Variants in MACROD2 observed in about 807,000 individuals in gnomAD.
The protein encoded by MACROD2 is mono-ADP ribosylhydrolase 2.
Under a neutral mutation model 70.4 loss-of-function variants are expected in MACROD2, and 36 were observed. The observed-to-expected ratio is 0.51, with a 90% CI of 0.39 to 0.68. The LOEUF is 0.68. Among genes scored for constraint, MACROD2 ranks in the 30% least tolerant of loss-of-function variants. MACROD2 has a pLI of 0.00. For missense variants in MACROD2, 496 were observed against 538.4 expected (o/e 0.92, Z 0.78); for synonymous variants, 172 against 178.8 (o/e 0.96, Z 0.30).
intron 5 of MACROD2, among the ~76,000 whole-genome samples, chr20:14,821,598 T>G (rs892878694): frequency 2.6e-5 from 4 of 152,096 alleles, no homozygotes; most frequent in African/African-American, 9.7e-5. Context: ...GCAAACAGCC[T>G]CACCTAATTG....
intron 8 of MACROD2, among the ~76,000 whole-genome samples, chr20:15,625,801 C>T (rs930969370): frequency 1.2e-4 from 17 of 147,018 alleles, no homozygotes; most frequent in Non-Finnish European, 2.4e-4. Flanking sequence ...TCCAGCAATA[C>T]ATGCAAACTT....
At chr20:14,392,871 G>T (rs1380938726) in intron 3 of MACROD2, among the ~76,000 whole-genome samples, 1 of 152,008 alleles carries the variant, frequency 6.6e-6, no homozygotes. Context: ...ATTTGTGTCT[G>T]CTTGTAGATC....
chr20:15,204,872 G>A (rs1334376303), intron 5 of MACROD2, among the ~76,000 whole-genome samples: 2 of 152,008 alleles, frequency 1.3e-5, no homozygotes, highest in Non-Finnish European at 2.9e-5. Flanking sequence ...AATCTTCCAC[G>A]CACCCCAATA....
intron 10 of MACROD2, among the ~76,000 whole-genome samples, chr20:15,901,738 C>G (rs909716906): frequency 6.6e-6 from 1 of 152,218 alleles, no homozygotes; most frequent in African/African-American, 2.4e-5. Context: ...TCAATCTCTA[C>G]TTAACTGTCT....
intron 8 of MACROD2, among the ~76,000 whole-genome samples, chr20:15,678,141 G>C (rs770429936): frequency 6.6e-6 from 1 of 152,122 alleles, no homozygotes; most frequent in Non-Finnish European, 1.5e-5. Flanking sequence ...TAAATAACTT[G>C]CCTGAGAACA....
chr20:15,732,989 A>G lies in MACROD2; in HGVS notation c.646-129756A>G, dbSNP rs1006963197. Among the ~76,000 whole-genome samples the G allele has an allele frequency of 2.6e-5, 4 of 152,094 alleles. No individual in the cohort carries two copies. In the East Asian group the frequency reaches 5.8e-4, roughly 22 times the overall value. ...ACCTTTCTTAATAGATAAATTAACA[A>G]TTTCTTAATAGATACAGGCCTATTC... On this transcript the variant is annotated intron_variant, in intron 8 of 17. Transcript: ENST00000684519.
chr20:14,209,171 C>T (rs932205432), intron 3 of MACROD2, among the ~76,000 whole-genome samples: 1 of 152,190 alleles, frequency 6.6e-6, no homozygotes, highest in Middle Eastern at 3.2e-3. Context: ...CACAATTGGC[C>T]TGGGCTTCCC....
intron 8 of MACROD2, among the ~76,000 whole-genome samples, chr20:15,824,259 G>C (rs997824087): frequency 6.6e-5 from 10 of 151,828 alleles, no homozygotes; most frequent in African/African-American, 2.2e-4. Flanking sequence ...CTCTCTCTCT[G>C]TGTGCGTGTG....
chr20:15,658,225 C>CTT (rs11296773), intron 8 of MACROD2, among the ~76,000 whole-genome samples: 2 of 140,992 alleles, frequency 1.4e-5, no homozygotes, highest in Non-Finnish European at 3.1e-5. Flanking sequence ...CTCTCTCTCT[C>CTT]TTTTTTTTTT....
chr20:14,470,195 G>A (rs756522670), intron 3 of MACROD2, among the ~76,000 whole-genome samples: 2 of 151,934 alleles, frequency 1.3e-5, no homozygotes, highest in Admixed American at 6.6e-5. Flanking sequence ...TCTGCTGCAC[G>A]TCTGCTGGGG....
intron 17 of MACROD2, among the ~76,000 whole-genome samples, chr20:16,047,556 C>A (rs963468743): frequency 6.6e-6 from 1 of 152,142 alleles, no homozygotes; most frequent in African/African-American, 2.4e-5. Context: ...TCTCGTAATG[C>A]TCGTTGCCTG....
At chr20:14,573,032 A>G in intron 4 of MACROD2, among the ~76,000 whole-genome samples, 1 of 148,148 alleles carries the variant, frequency 6.8e-6, no homozygotes, top group Non-Finnish European at 1.5e-5. Context: ...TATAAACAAT[A>G]TCATTTAGAT....
chr20:14,106,091 G>A (rs2054364354), intron 3 of MACROD2, among the ~76,000 whole-genome samples: 2 of 152,168 alleles, frequency 1.3e-5, no homozygotes, highest in Admixed American at 1.3e-4. Flanking sequence ...AAAACAGAGG[G>A]GCCACAGTGG....
At chr20:15,314,986 A>G (rs1364537879) in intron 6 of MACROD2, among the ~76,000 whole-genome samples, 2 of 152,336 alleles carry the variant, frequency 1.3e-5, no homozygotes, top group Middle Eastern at 3.4e-3. Context: ...TTTAAATAGC[A>G]TGGCTAAGCA....
chr20:15,000,596 G>C (rs2074986589), intron 5 of MACROD2, among the ~76,000 whole-genome samples: 1 of 107,712 alleles, frequency 9.3e-6, no homozygotes, highest in African/African-American at 4.5e-5. Flanking sequence ...GCAGTCCGCA[G>C]TCCGGCCTGG....
At chr20:14,141,854 C>A (rs1408214768) in intron 3 of MACROD2, among the ~76,000 whole-genome samples, 45 of 145,536 alleles carry the variant, frequency 3.1e-4, no homozygotes, top group Non-Finnish European at 3.0e-5. Flanking sequence ...TTTTATTATT[C>A]TTTTTCAGCT....
chr20:14,932,805 A>C (rs2122683369), intron 5 of MACROD2, among the ~76,000 whole-genome samples: 1 of 152,134 alleles, frequency 6.6e-6, no homozygotes, highest in South Asian at 2.1e-4. Flanking sequence ...TGACCTCCTG[A>C]TCTGCCCGCC....
chr20:15,233,820 T>G (rs1192006151), intron 6 of MACROD2, among the ~76,000 whole-genome samples: 1 of 150,766 alleles, frequency 6.6e-6, no homozygotes, highest in East Asian at 1.9e-4. Context: ...GTAAATCGTT[T>G]CAATTGAAAA....
intron 7 of MACROD2, among the ~76,000 whole-genome samples, chr20:15,462,436 G>A (rs1352537912): frequency 3.9e-5 from 6 of 152,092 alleles, no homozygotes; most frequent in Non-Finnish European, 8.8e-5. Context: ...CAAATAACGT[G>A]TAATTAAAAG....
Sources: gnomAD v4.1 joint callset for allele counts (sites outside exome capture counted in the v4.1 genomes callset) on GRCh38, gnomAD v4.1.1 for gene constraint, MANE v1.5 for transcripts, NCBI Gene and HGNC (gene_info 2026-07-23, HGNC 2026-07-21) for gene names.